Variants in NPTX2 observed in about 807,000 individuals in gnomAD.
NPTX2 encodes neuronal pentraxin 2, also known as neuronal pentraxin-2.
Under a neutral mutation model 38.1 loss-of-function variants are expected in NPTX2, and 23 were observed. The observed-to-expected ratio is 0.60, with a 90% CI of 0.43 to 0.85. NPTX2 has a LOEUF of 0.85. NPTX2 is among the 40% of genes least tolerant of loss of function. The probability of loss-of-function intolerance (pLI) is 0.00; values close to 1 mark genes in which losing one functional copy is unlikely to be tolerated. For missense variants in NPTX2, 553 were observed against 615.3 expected (o/e 0.90, Z 1.07); for synonymous variants, 291 against 287.3 (o/e 1.01, Z -0.13).
At chr7:98,627,442 T>A in intron 4 of NPTX2, 98 bp downstream of exon 4, 1 of 999,522 alleles carries the variant, frequency 1.0e-6, no homozygotes, top group Non-Finnish European at 1.5e-6. Flanking sequence ...AGGGGCCAAC[T>A]GAGCAGCACG....
At chr7:98,625,237 C>T (rs1271962020) in intron 3 of NPTX2, 71 bp downstream of exon 3, 1 of 1,522,662 alleles carries the variant, frequency 6.6e-7, no homozygotes, top group Non-Finnish European at 8.8e-7. Flanking sequence ...GCCCCCACCC[C>T]AGCCGTCCTC....
At position 98,619,978 on chromosome 7, in the gene NPTX2, G is replaced by A. The variant is rs897484952; in HGVS notation, c.643+119G>A. On this transcript the variant is annotated intron_variant, in intron 2 of 4. Coordinates refer to ENST00000265634, the MANE Select transcript of NPTX2 (RefSeq NM_002523.3). ...GTGACACCACATGGGCCTGGTTCCC[G>A]AGTGTGTGAGCAAATAATAAAGGCG... The A allele has an allele frequency of 3.9e-5, 33 of 847,498 alleles. No individual in the cohort carries two copies. In the East Asian group the frequency reaches 5.9e-4, roughly 15 times the overall value. 52.5% of individuals were successfully genotyped at this position (847,498 alleles called of 1,614,324 possible).
At chr7:98,620,152 T>G in intron 2 of NPTX2, 1 of 445,294 alleles carries the variant, frequency 2.2e-6, no homozygotes. Context: ...TCTGTGTATC[T>G]TTCTCTTCTC....
rs1168128843 is a variant in NPTX2, at chr7:98,617,452, C to G, written c.-10C>G. 71 of 1,004,428 alleles carry G rather than the reference C, an allele frequency of 7.1e-5. 1 individual carries two copies. The South Asian group carries it at 2.9e-3, about 40-fold the overall frequency. The allele number at this position is 1,004,428 out of a possible 1,614,324, so 62.2% of individuals were successfully genotyped here. On this transcript the variant is annotated 5_prime_UTR_variant, in exon 1 of 5. Transcript: ENST00000265634. ...GCCCATGCCGAGCTGAGCGCGGCAG[C>G]GGCGGCGGGATGCTGGCGCTGCTGG...
chr7:98,620,036 A>G, intron 2 of NPTX2, 177 bp downstream of exon 2: 1 of 631,082 alleles, frequency 1.6e-6, no homozygotes, highest in Non-Finnish European at 2.8e-6. Context: ...ATGAGCTGCC[A>G]GCCCCACTGG....
At position 98,627,275 on chromosome 7, in the gene NPTX2, C is replaced by G; in HGVS notation, c.999C>G (p.Gly333=). The G allele has an allele frequency of 1.9e-6, 3 of 1,613,838 alleles. No individual in the cohort carries two copies. Among genetic ancestry groups the G allele is most frequent in the Non-Finnish European group, 1.7e-6 (2 of 1,179,778 alleles). The change falls in exon 4 of 5, where the codon GGC becomes GGG. Residue 333 remains glycine (G), a synonymous_variant. Coordinates refer to ENST00000265634, the MANE Select transcript of NPTX2 (RefSeq NM_002523.3). Reference sequence around the variant, plus strand: ...CATTCCAGGACGGAGAGAAGCTGGGCACTGGGGAGAACCTGGCCCCCTGGC... The same window carrying G: ...CATTCCAGGACGGAGAGAAGCTGGGGACTGGGGAGAACCTGGCCCCCTGGC... The part of the protein sequence containing the change: ...WEAFQDGEKL[G]TGENLAPWHP...
At chr7:98,627,423 G>A in intron 4 of NPTX2, 79 bp downstream of exon 4, 5 of 1,230,230 alleles carry the variant, frequency 4.1e-6, no homozygotes, top group Non-Finnish European at 3.5e-6. Flanking sequence ...TTTCAGGGAT[G>A]GTGCGAGGAG....
intron 2 of NPTX2, among the ~76,000 whole-genome samples, chr7:98,622,084 C>T (rs559779745): frequency 1.3e-5 from 2 of 152,354 alleles, no homozygotes; most frequent in Admixed American, 1.3e-4. Context: ...GGCCAGCTGT[C>T]CAGGCACTGC....
chr7:98,617,996 A>T, intron 1 of NPTX2, 109 bp downstream of exon 1: 1 of 1,164,122 alleles, frequency 8.6e-7, no homozygotes, highest in Non-Finnish European at 1.2e-6. Flanking sequence ...GGAGGGTGTG[A>T]TCGTCCGTGG....
intron 3 of NPTX2, among the ~76,000 whole-genome samples, chr7:98,626,535 G>C (rs1791353465): frequency 6.6e-6 from 1 of 152,180 alleles, no homozygotes; most frequent in Admixed American, 6.5e-5. Flanking sequence ...CTCTGGGTTT[G>C]GACGGCTTGT....
In NPTX2 at chr7:98,628,393, A is replaced by C; in HGVS notation, c.1069-9A>C. ...GCCCTGACGCAGCTCTCTTGTTCCC[A>C]TTCCCCAGGACACCGTGGGGGGTAG... On this transcript the variant is annotated splice_polypyrimidine_tract_variant and intron_variant, in intron 4 of 4. Coordinates refer to ENST00000265634, the MANE Select transcript of NPTX2 (RefSeq NM_002523.3). 1 of 1,493,692 alleles carries C rather than the reference A, an allele frequency of 6.7e-7. No homozygotes were observed. The highest frequency in any genetic ancestry group is 9.3e-7 in the Non-Finnish European group (1 of 1,077,266). The allele number at this position is 1,493,692 out of a possible 1,614,324, so 92.5% of individuals were successfully genotyped here. A position where few individuals can be genotyped will look rare whatever the true frequency, so the allele number is the denominator to read the frequency against.
chr7:98,621,925 G>A (rs1005307433), intron 2 of NPTX2, among the ~76,000 whole-genome samples: 2 of 152,170 alleles, frequency 1.3e-5, no homozygotes, highest in African/African-American at 4.8e-5. Context: ...GCGGTGTGTG[G>A]GCCCCAGCCC....
intron 4 of NPTX2, 117 bp downstream of exon 4, chr7:98,627,461 C>T (rs1562851612): frequency 1.2e-6 from 1 of 803,004 alleles, no homozygotes. Flanking sequence ...CGAGGCCAGG[C>T]CTGCAGCTGT....
At chr7:98,625,510 T>A (rs1791334336) in intron 3 of NPTX2, among the ~76,000 whole-genome samples, 1 of 152,074 alleles carries the variant, frequency 6.6e-6, no homozygotes, top group Admixed American at 6.5e-5. Context: ...CCACACTGAT[T>A]AAGGGGGTGT....
rs1410805025 is a variant in NPTX2, at chr7:98,628,432, C to G, written c.1099C>G (p.Gln367Glu). Residue 367 changes from glutamine (Q) to glutamate (E), a missense_variant, in exon 5 of 5, where the codon CAG becomes GAG. Transcript: ENST00000265634. ...CGTGGGGGGTAGGTTTGATGCCACT[C>G]AGGCATTTGTCGGGGAGCTCAGCCA... ...DTVGGRFDAT[Q>E]AFVGELSQFN... The G allele has an allele frequency of 1.2e-6, 2 of 1,608,366 alleles. No individual in the cohort carries two copies. Among genetic ancestry groups the G allele is most frequent in the African/African-American group, 1.3e-5 (1 of 74,824 alleles).
chr7:98,627,764 C>G (rs983341766), intron 4 of NPTX2, among the ~76,000 whole-genome samples: 1 of 152,174 alleles, frequency 6.6e-6, no homozygotes, highest in Non-Finnish European at 1.5e-5. Flanking sequence ...CTGGGATGCT[C>G]ATGGTACCAA....
At chr7:98,618,579 C>T in intron 1 of NPTX2, among the ~76,000 whole-genome samples, 1 of 64,374 alleles carries the variant, frequency 1.6e-5, no homozygotes. Flanking sequence ...TCCCCCCCTC[C>T]CCCCCTCCCC....
intron 3 of NPTX2, 96 bp downstream of exon 3, chr7:98,625,262 A>G: frequency 1.4e-6 from 2 of 1,457,954 alleles, no homozygotes; most frequent in South Asian, 1.3e-5. Context: ...TCCTCGGGCC[A>G]CACAGCAGTG....
chr7:98,619,792 G>C lies in NPTX2; in HGVS notation c.576G>C (p.Ser192=). The change falls in exon 2 of 5, where the codon TCG becomes TCC. Residue 192 remains serine (S), a synonymous_variant. Coordinates refer to ENST00000265634, the MANE Select transcript of NPTX2 (RefSeq NM_002523.3). The part of the protein sequence containing the change: ...DEKSLLHNET[S]AHRQKTESTL... ...AGTCCCTGCTGCACAATGAGACCTCGGCTCACCGGCAGAAGACCGAGAGCA... is the reference window on the plus strand; with the variant it reads ...AGTCCCTGCTGCACAATGAGACCTCCGCTCACCGGCAGAAGACCGAGAGCA... The C allele has an allele frequency of 6.2e-7, 1 of 1,613,842 alleles. No individual in the cohort carries two copies. Among genetic ancestry groups the C allele is most frequent in the Non-Finnish European group, 8.5e-7 (1 of 1,180,034 alleles).
Sources: allele counts gnomAD v4.1 joint callset (sites outside exome capture counted in the v4.1 genomes callset), GRCh38; gene constraint gnomAD v4.1.1; transcripts MANE v1.5; gene names NCBI Gene and HGNC (gene_info 2026-07-23, HGNC 2026-07-21).